The following ANO1 variants were observed in gnomAD, a reference collection of about 807,000 sequenced individuals.
ANO1 encodes anoctamin-1.
Under a neutral mutation model 124.0 loss-of-function variants are expected in ANO1, and 59 were observed. The ratio of observed to expected loss-of-function variants is 0.48; its 90% CI spans 0.39 to 0.59. The LOEUF (loss-of-function observed/expected upper bound fraction) is 0.59. Ranked by LOEUF, ANO1 falls within the 20% of genes least tolerant of loss-of-function variation. The pLI is 0.00. For synonymous variants in ANO1, 529 were observed against 532.0 expected, an observed-to-expected ratio of 0.99 and a Z score of 0.08; for missense variants, 1,059 against 1,328.0, an observed-to-expected ratio of 0.80 and a Z score of 3.15.
At chr11:70,005,820 G>A (rs781920309) in intron 1 of ANO1, among the ~76,000 whole-genome samples, 6 of 152,170 alleles carry the variant, frequency 3.9e-5, no homozygotes, top group Non-Finnish European at 7.3e-5. Flanking sequence ...CTTGTTAAGA[G>A]CAGACGTCTG....
intron 8 of ANO1, 132 bp from the exon 9 acceptor site, chr11:70,124,218 A>G: frequency 1.3e-6 from 1 of 771,946 alleles, no homozygotes; most frequent in South Asian, 1.7e-5. Context: ...CAGCCCACAC[A>G]GCCCACTCTC....
In ANO1 at chr11:70,131,874, T is replaced by C. The variant is rs760963476; in HGVS notation, c.1098-45T>C. On this transcript the variant is annotated intron_variant, in intron 10 of 25. Coordinates refer to ENST00000355303, the MANE Select transcript of ANO1 (RefSeq NM_018043.7). ...AGCTCGGCACCCAGGAGGTGCTCCA[T>C]CATGGCCCAACAAGGTGACTCCAGG... is the stretch of plus-strand genomic sequence containing the variant. 1.3e-5 allele frequency: 20 copies of C among 1,575,408 alleles called. No homozygotes were observed. In the South Asian group the frequency reaches 1.9e-4, roughly 15 times the overall value.
intron 19 of ANO1, among the ~76,000 whole-genome samples, chr11:70,163,937 C>CAA (rs1365021780): frequency 3.8e-5 from 4 of 106,538 alleles, no homozygotes; most frequent in Non-Finnish European, 5.9e-5. Flanking sequence ...GGAACCATTT[C>CAA]AAAAAAAAAA....
At chr11:70,100,413 C>A (rs1012939499) in intron 2 of ANO1, among the ~76,000 whole-genome samples, 3 of 152,146 alleles carry the variant, frequency 2.0e-5, no homozygotes, top group Admixed American at 2.0e-4. Flanking sequence ...AATTTGAGAC[C>A]CAGCGAGGAG....
In ANO1 at chr11:70,107,651, C is replaced by A. The variant is rs116220459; in HGVS notation, c.748-702C>A. Among the ~76,000 whole-genome samples the A allele has an allele frequency of 7.8e-3, 1,195 of 152,310 alleles. 14 individuals are homozygous for A. The highest frequency in any genetic ancestry group is 0.025 in the African/African-American group (1,021 of 41,570). On this transcript the variant is annotated intron_variant, in intron 5 of 25. Transcript: ENST00000355303. ...CAGTTTACAGATGGAAAAACTGAGGCCGGGAGTGGTGATGTCGCTGGTCCA... is the reference window on the plus strand; with the variant it reads ...CAGTTTACAGATGGAAAAACTGAGGACGGGAGTGGTGATGTCGCTGGTCCA...
At chr11:70,030,547 C>T (rs1030018262) in intron 1 of ANO1, among the ~76,000 whole-genome samples, 7 of 152,190 alleles carry the variant, frequency 4.6e-5, no homozygotes, top group South Asian at 2.1e-4. Flanking sequence ...CCGTCCCTGC[C>T]GCTTCCAGAT....
chr11:70,009,617 G>A (rs78287021), intron 1 of ANO1, among the ~76,000 whole-genome samples: 11,857 of 149,628 alleles, frequency 0.079, 562 homozygotes, highest in Non-Finnish European at 0.098. Flanking sequence ...CAAATAAAAA[G>A]GTTTATTTGG....
intron 2 of ANO1, among the ~76,000 whole-genome samples, chr11:70,088,455 G>A (rs1200924683): frequency 6.8e-6 from 1 of 147,502 alleles, no homozygotes; most frequent in Non-Finnish European, 1.5e-5. Context: ...GTTGCAGTGA[G>A]CGGACATCAC....
intron 2 of ANO1, among the ~76,000 whole-genome samples, chr11:70,089,904 TG>T (rs1246717010): frequency 9.9e-5 from 15 of 152,222 alleles, no homozygotes; most frequent in African/African-American, 3.6e-4. Flanking sequence ...CAGGGAAGCT[TG>T]GCGGCCGAGG....
intron 1 of ANO1, among the ~76,000 whole-genome samples, chr11:70,053,297 G>C (rs1555006478): frequency 6.6e-6 from 1 of 151,936 alleles, no homozygotes; most frequent in Non-Finnish European, 1.5e-5. Flanking sequence ...TACATCCCTA[G>C]AACATCCAGT....
chr11:70,169,156 G>A (rs547802028), intron 21 of ANO1, among the ~76,000 whole-genome samples: 6 of 152,294 alleles, frequency 3.9e-5, no homozygotes, highest in Admixed American at 6.5e-5. Context: ...GCAGTGGGCC[G>A]CGAGAGTGGC....
intron 22 of ANO1, among the ~76,000 whole-genome samples, chr11:70,175,706 G>A (rs1270627104): frequency 6.6e-6 from 1 of 152,204 alleles, no homozygotes; most frequent in Non-Finnish European, 1.5e-5. Flanking sequence ...CAAGTACCTG[G>A]CTTTATCCAA....
chr11:69,985,470 G>C (rs1370736250), upstream of ANO1, among the ~76,000 whole-genome samples: 2 of 152,134 alleles, frequency 1.3e-5, no homozygotes, highest in Admixed American at 6.5e-5. Context: ...GTGATTCGTC[G>C]GGGTCCTGCC....
At chr11:70,179,005 C>T (rs893152427) in intron 22 of ANO1, among the ~76,000 whole-genome samples, 1 of 152,248 alleles carries the variant, frequency 6.6e-6, no homozygotes, top group Admixed American at 6.5e-5. Context: ...CACACAGGGG[C>T]CTGAGCTCTT....
intron 22 of ANO1, among the ~76,000 whole-genome samples, chr11:70,179,627 T>A (rs1020439174): frequency 2.6e-5 from 4 of 152,144 alleles, no homozygotes; most frequent in Admixed American, 6.5e-5. Flanking sequence ...AATACAGGTA[T>A]CCTCCGCCAG....
chr11:70,165,597 G>A (rs1448452664), intron 20 of ANO1, 27 bp downstream of exon 20: 5 of 1,587,090 alleles, frequency 3.2e-6, no homozygotes, highest in Non-Finnish European at 4.3e-6. Context: ...GGGTTAGAGC[G>A]GCAGGGGCGG....
intron 2 of ANO1, among the ~76,000 whole-genome samples, chr11:70,097,757 GCT>G (rs2045064193): frequency 6.6e-6 from 1 of 152,212 alleles, no homozygotes; most frequent in Admixed American, 6.5e-5. Context: ...CAGAGTAGGC[GCT>G]TTATAAAGTC....
At chr11:70,021,605 A>T (rs529643028) in intron 1 of ANO1, among the ~76,000 whole-genome samples, 1 of 152,122 alleles carries the variant, frequency 6.6e-6, no homozygotes, top group Non-Finnish European at 1.5e-5. Context: ...AAGCGGCCTC[A>T]TTATTTTTAA....
intron 21 of ANO1, among the ~76,000 whole-genome samples, chr11:70,169,745 G>A (rs1045291380): frequency 1.3e-5 from 2 of 152,012 alleles, no homozygotes; most frequent in African/African-American, 2.4e-5. Flanking sequence ...GCCATTCCCC[G>A]CCATGGCCCA....
Sources: allele counts gnomAD v4.1 joint callset (sites outside exome capture counted in the v4.1 genomes callset), GRCh38; gene constraint gnomAD v4.1.1; transcripts MANE v1.5; gene names NCBI Gene and HGNC (gene_info 2026-07-23, HGNC 2026-07-21).